The following CFAP58 variants were observed in gnomAD, a reference collection of about 807,000 sequenced individuals.
CFAP58 encodes cilia and flagella associated protein 58.
In CFAP58, 88 loss-of-function variants were observed where a neutral mutation model predicts 119.5. The ratio of observed to expected loss-of-function variants is 0.74; its 90% CI spans 0.62 to 0.88. The LOEUF (loss-of-function observed/expected upper bound fraction) is 0.88. Ranked by LOEUF, CFAP58 falls within the 40% of genes least tolerant of loss-of-function variation. CFAP58 has a pLI of 0.00. For synonymous variants in CFAP58, 365 were observed against 366.3 expected, an observed-to-expected ratio of 1.00 and a Z score of 0.04; for missense variants, 990 against 1,021.2, an observed-to-expected ratio of 0.97 and a Z score of 0.42.
chr10:104,369,386 T>C (rs868733994), intron 6 of CFAP58, among the ~76,000 whole-genome samples: 4 of 152,204 alleles, frequency 2.6e-5, no homozygotes, highest in Non-Finnish European at 4.4e-5. Context: ...GTTTCCAGGA[T>C]TTTTCTGAAG....
At chr10:104,415,249 G>A (rs560868427) in intron 15 of CFAP58, among the ~76,000 whole-genome samples, 2 of 152,266 alleles carry the variant, frequency 1.3e-5, no homozygotes, top group South Asian at 4.1e-4. Context: ...GCAGGAAGCT[G>A]GAGTCGGGGA....
At chr10:104,415,434 C>T (rs935499099) in intron 15 of CFAP58, among the ~76,000 whole-genome samples, 2 of 152,110 alleles carry the variant, frequency 1.3e-5, no homozygotes, top group African/African-American at 4.8e-5. Context: ...TCAATGACTC[C>T]CATTCCCCAC....
chr10:104,442,865 C>T (rs971348566), intron 15 of CFAP58, among the ~76,000 whole-genome samples: 1 of 152,056 alleles, frequency 6.6e-6, no homozygotes, highest in African/African-American at 2.4e-5. Context: ...AGGACCAGCT[C>T]AATAAAGTGA....
intron 15 of CFAP58, among the ~76,000 whole-genome samples, chr10:104,418,111 C>T (rs927503286): frequency 3.9e-5 from 6 of 152,262 alleles, no homozygotes; most frequent in Admixed American, 3.3e-4. Context: ...CAGCCAGGCT[C>T]ATTCATTCAC....
intron 15 of CFAP58, among the ~76,000 whole-genome samples, chr10:104,447,339 T>C (rs1486871465): frequency 6.6e-6 from 1 of 152,110 alleles, no homozygotes; most frequent in Non-Finnish European, 1.5e-5. Context: ...TGAAAAACTC[T>C]CTTTTTTACT....
In CFAP58 at chr10:104,435,130, G is replaced by A. The variant is rs145157530; in HGVS notation, c.2257-12568G>A. Reference sequence around the variant, plus strand: ...GCCTGATGTGTCTGTCCATCAGCACGTGTTTTGTGGATAGATGGTTGGATG... The same window carrying A: ...GCCTGATGTGTCTGTCCATCAGCACATGTTTTGTGGATAGATGGTTGGATG... On this transcript the variant is annotated intron_variant, in intron 15 of 17. Coordinates refer to ENST00000369704, the MANE Select transcript of CFAP58 (RefSeq NM_001008723.2). 1.5e-3 allele frequency among the ~76,000 whole-genome samples: 228 copies of A among 152,288 alleles called. 6 individuals are homozygous for A. Among genetic ancestry groups the A allele is most frequent in the Non-Finnish European group, 1.4e-3 (98 of 68,014 alleles).
At chr10:104,419,034 A>C (rs2012599592) in intron 15 of CFAP58, among the ~76,000 whole-genome samples, 1 of 152,144 alleles carries the variant, frequency 6.6e-6, no homozygotes, top group African/African-American at 2.4e-5. Flanking sequence ...AGGACATTTA[A>C]AGTGCTGGGA....
chr10:104,420,920 T>C (rs1274313744), intron 15 of CFAP58, among the ~76,000 whole-genome samples: 1 of 151,902 alleles, frequency 6.6e-6, no homozygotes, highest in African/African-American at 2.4e-5. Flanking sequence ...ACCCGGCTAA[T>C]TTTTTTGTAT....
chr10:104,427,603 A>C (rs1226309443), intron 15 of CFAP58, among the ~76,000 whole-genome samples: 1 of 152,192 alleles, frequency 6.6e-6, no homozygotes, highest in Admixed American at 6.5e-5. Flanking sequence ...ACACACTCAC[A>C]ACATTTACCT....
intron 9 of CFAP58, among the ~76,000 whole-genome samples, chr10:104,383,753 A>AACACACACACAC (rs59181888): frequency 0.024 from 3,479 of 145,904 alleles, 64 homozygotes; most frequent in East Asian, 0.063. Flanking sequence ...TTTACTGTCC[A>AACACACACACAC]ACACACACAC....
rs774791833 is a variant in CFAP58 at position 104,397,933 on chromosome 10, TG to T, written c.1675-1426del. Among the ~76,000 whole-genome samples the T allele has an allele frequency of 2.0e-5, 3 of 152,278 alleles. No individual in the cohort carries two copies. In the East Asian group the frequency reaches 5.8e-4, roughly 29 times the overall value. ...CCTTTCCCTGTCTGGCTTAGCTGTT[TG>T]TGAGCCTTACCTCCAGCTATTCCCT... is the stretch of plus-strand genomic sequence containing the variant. On this transcript the variant is annotated intron_variant, in intron 11 of 17. Transcript: ENST00000369704.
intron 3 of CFAP58, among the ~76,000 whole-genome samples, chr10:104,362,897 G>T (rs772243756): frequency 6.6e-6 from 1 of 152,154 alleles, no homozygotes; most frequent in African/African-American, 2.4e-5. Flanking sequence ...TTGAGAACCT[G>T]CCCCAGTCAG....
At chr10:104,409,123 C>T (rs923333563) in intron 15 of CFAP58, among the ~76,000 whole-genome samples, 1 of 151,962 alleles carries the variant, frequency 6.6e-6, no homozygotes, top group East Asian at 1.9e-4. Context: ...TTATTTAGTT[C>T]CTTTCCACAG....
intron 14 of CFAP58, among the ~76,000 whole-genome samples, chr10:104,405,044 G>A (rs1403671015): frequency 6.6e-6 from 1 of 152,126 alleles, no homozygotes; most frequent in African/African-American, 2.4e-5. Context: ...AAATCAGCCA[G>A]GTAGATTCTT....
At chr10:104,345,053 A>G in the CFAP58 span, among the ~76,000 whole-genome samples, 3 of 152,058 alleles carry the variant, frequency 2.0e-5, no homozygotes, top group Non-Finnish European at 4.4e-5. Context: ...AGGCTGAGGC[A>G]GGAGAATGCC....
rs74154799 is a variant in CFAP58, at chr10:104,399,808, A to G, written c.1815+308A>G. On this transcript the variant is annotated intron_variant, in intron 12 of 17. Transcript: ENST00000369704. The stretch of plus-strand genomic sequence containing the variant: ...TGCTCACATATAATTGCAATTAATA[A>G]TTACATGATTTGATCTTGACTGGGT... 9.1e-3 allele frequency among the ~76,000 whole-genome samples: 1,393 copies of G among 152,252 alleles called. 24 individuals carry two copies. The highest frequency in any genetic ancestry group is 0.032 in the African/African-American group (1,325 of 41,526).
upstream of CFAP58, chr10:104,351,802 A>G (rs1480462870): frequency 6.6e-6 from 1 of 152,210 alleles, no homozygotes; most frequent in East Asian, 1.9e-4. Flanking sequence ...CTATATAAAA[A>G]ATATAGGGAA....
chr10:104,410,915 A>G (rs1158930315), intron 15 of CFAP58, among the ~76,000 whole-genome samples: 3 of 151,580 alleles, frequency 2.0e-5, no homozygotes, highest in Admixed American at 6.6e-5. Context: ...ACATTTTCTT[A>G]GCTTTATCTC....
intron 13 of CFAP58, among the ~76,000 whole-genome samples, chr10:104,402,357 AG>A (rs1246010943): frequency 6.6e-6 from 1 of 152,236 alleles, no homozygotes; most frequent in Non-Finnish European, 1.5e-5. Context: ...GCTTGCTCTG[AG>A]CGCCCTGTTG....
Sources: gnomAD v4.1 joint callset for allele counts (sites outside exome capture counted in the v4.1 genomes callset) on GRCh38, gnomAD v4.1.1 for gene constraint, MANE v1.5 for transcripts, NCBI Gene and HGNC (gene_info 2026-07-23, HGNC 2026-07-21) for gene names.